Variants in CACNA2D2 observed in about 807,000 individuals in gnomAD.
CACNA2D2 encodes voltage-dependent calcium channel subunit alpha-2/delta-2.
In CACNA2D2, 48 loss-of-function variants were observed where a neutral mutation model predicts 166.4. The observed-to-expected ratio is 0.29, with a 90% CI of 0.23 to 0.37. The LOEUF (loss-of-function observed/expected upper bound fraction) is 0.37, where lower values mean the gene tolerates loss of function less well. Ranked by LOEUF, CACNA2D2 falls within the 10% of genes least tolerant of loss-of-function variation. The probability of loss-of-function intolerance (pLI) is 1.00; values close to 1 mark genes in which losing one functional copy is unlikely to be tolerated. For missense variants in CACNA2D2, 1,122 were observed against 1,433.0 expected, an observed-to-expected ratio of 0.78 and a Z score of 3.50; for synonymous variants, 561 against 573.7, an observed-to-expected ratio of 0.98 and a Z score of 0.32.
At chr3:50,470,078 G>T (rs1331627079) in intron 2 of CACNA2D2, among the ~76,000 whole-genome samples, 1 of 152,196 alleles carries the variant, frequency 6.6e-6, no homozygotes, top group Non-Finnish European at 1.5e-5. Flanking sequence ...CCGTGCTGAG[G>T]CTACTCAGAA....
At chr3:50,468,676 T>C (rs1245500397) in intron 2 of CACNA2D2, among the ~76,000 whole-genome samples, 1 of 151,822 alleles carries the variant, frequency 6.6e-6, no homozygotes, top group Non-Finnish European at 1.5e-5. Flanking sequence ...CCTGAGAGAT[T>C]CCACCCTCAA....
intron 3 of CACNA2D2, among the ~76,000 whole-genome samples, chr3:50,425,107 G>C (rs918964692): frequency 6.6e-6 from 1 of 152,152 alleles, no homozygotes; most frequent in Non-Finnish European, 1.5e-5. Context: ...CAAGCTTGTG[G>C]ATATGCAGCT....
chr3:50,484,078 G>GA (rs1559994536), intron 1 of CACNA2D2, among the ~76,000 whole-genome samples: 5 of 152,018 alleles, frequency 3.3e-5, no homozygotes, highest in Non-Finnish European at 7.4e-5. Context: ...AGATCCTGAC[G>GA]GTCCCTTGGG....
At chr3:50,448,818 A>G (rs61601450) in intron 2 of CACNA2D2, among the ~76,000 whole-genome samples, 4,639 of 152,126 alleles carry the variant, frequency 0.03, 233 homozygotes, top group African/African-American at 0.11. Context: ...GGCCACCCAC[A>G]CTGTGCTGGT....
At chr3:50,448,780 C>T (rs946032321) in intron 2 of CACNA2D2, among the ~76,000 whole-genome samples, 9 of 152,120 alleles carry the variant, frequency 5.9e-5, no homozygotes, top group African/African-American at 2.2e-4. Flanking sequence ...GGGACTAGAG[C>T]CCTGCACTGG....
At chr3:50,439,112 T>G (rs1708476763) in intron 2 of CACNA2D2, among the ~76,000 whole-genome samples, 1 of 152,164 alleles carries the variant, frequency 6.6e-6, no homozygotes, top group African/African-American at 2.4e-5. Context: ...TTTGTACAGT[T>G]CTGTACCCCA....
At chr3:50,408,845 C>T (rs1368761098) in intron 3 of CACNA2D2, among the ~76,000 whole-genome samples, 40 of 152,244 alleles carry the variant, frequency 2.6e-4, no homozygotes, top group Admixed American at 2.6e-3. Context: ...AGAGCCATGG[C>T]ACCAACTGGA....
At chr3:50,474,303 T>A (rs1320445493) in intron 2 of CACNA2D2, among the ~76,000 whole-genome samples, 1 of 152,114 alleles carries the variant, frequency 6.6e-6, no homozygotes, top group South Asian at 2.1e-4. Context: ...AAATTCAAAT[T>A]TGATTTCCAA....
In CACNA2D2 at chr3:50,375,644, C is replaced by T. The variant is rs1704932458; in HGVS notation, c.1907G>A (p.Ser636Asn). 1 of 1,613,208 alleles carries T rather than the reference C, an allele frequency of 6.2e-7. No individual in the cohort carries two copies. The highest frequency in any genetic ancestry group is 8.5e-7 in the Non-Finnish European group (1 of 1,179,898). ...TWVPIRSTNY[S>N]LGLVLPPYST... ...CCCGCCCAGCCCTGGCCTCACTTAC[C>T]TGTAGTTAGTGCTCCTTATAGGCAC... The change falls in exon 21 of 38, where the codon AGC becomes AAC. Residue 636 changes from serine (S) to asparagine (N), a missense_variant and splice_region_variant. This residue lies in a region of CACNA2D2 where 840 missense variants were observed against 1,166.8 expected (regional missense o/e 0.72). Transcript: ENST00000424201. The surrounding 1 kb of genome is among the most constrained non-coding windows in gnomAD (Gnocchi z 4.0).
chr3:50,476,248 GCACAGCC>G (rs769444183), intron 1 of CACNA2D2, 49 bp from the exon 2 acceptor site: 89 of 1,472,698 alleles, frequency 6.0e-5, no homozygotes, highest in Non-Finnish European at 7.9e-5. Flanking sequence ...GCCCAGAGCT[GCACAGCC>G]CCACCCCAGC....
intron 2 of CACNA2D2, among the ~76,000 whole-genome samples, chr3:50,466,278 G>GTGCGCA (rs1282588803): frequency 2.0e-5 from 3 of 152,024 alleles, no homozygotes; most frequent in African/African-American, 7.2e-5. Context: ...GCGCATGTGT[G>GTGCGCA]TGTGTGTGTG....
chr3:50,502,912 G>T (rs1303929916), intron 1 of CACNA2D2, among the ~76,000 whole-genome samples: 1 of 152,170 alleles, frequency 6.6e-6, no homozygotes, highest in Non-Finnish European at 1.5e-5. Flanking sequence ...CAGCGGCAGG[G>T]GAATCAGCTG....
chr3:50,375,703 C>A lies in CACNA2D2; in HGVS notation c.1848G>T (p.Arg616Ser). ...IRTLVKSLDERYIDEVTRNYT... is the reference protein window; with the variant it reads ...IRTLVKSLDESYIDEVTRNYT... ...AGTTCCGTGTCACCTCATCTATGTA[C>A]CTCTGGGAGAGGAGGCTGGGTCAGG... The change falls in exon 21 of 38, where the codon AGG (arginine) becomes AGT (serine). Residue 616 changes from arginine (R) to serine (S), a missense_variant and splice_region_variant. This residue lies in a region of CACNA2D2 where 840 missense variants were observed against 1,166.8 expected (regional missense o/e 0.72). Transcript: ENST00000424201. This position sits in a 1 kb window ranked among gnomAD's most constrained non-coding sequence, Gnocchi z 4.0. 6.2e-7 allele frequency: 1 copy of A among 1,613,156 alleles called. No individual in the cohort carries two copies. The highest frequency in any genetic ancestry group is 8.5e-7 in the Non-Finnish European group (1 of 1,179,862).
At chr3:50,417,881 T>A (rs976821060) in intron 3 of CACNA2D2, among the ~76,000 whole-genome samples, 2 of 152,184 alleles carry the variant, frequency 1.3e-5, no homozygotes, top group African/African-American at 4.8e-5. Context: ...GTGCAGGATC[T>A]GGCACACAGT....
At position 50,365,796 on chromosome 3, in the gene CACNA2D2, C is replaced by T. The variant is rs1704234898; in HGVS notation, c.2915+14G>A. 3.1e-6 allele frequency: 5 copies of T among 1,613,444 alleles called. No homozygotes were observed. The highest frequency in any genetic ancestry group is 3.4e-6 in the Non-Finnish European group (4 of 1,179,966). ...GGGAGCACCTTCTCTACCCACCTCC[C>T]GCTCAGGACTCACCAGGCGGCAGCA... On this transcript the variant is annotated intron_variant, in intron 33 of 37. Coordinates refer to ENST00000424201, the MANE Select transcript of CACNA2D2 (RefSeq NM_006030.4). This position sits in a 1 kb window ranked among gnomAD's most constrained non-coding sequence, Gnocchi z 4.5.
At chr3:50,412,704 C>T (rs962311049) in intron 3 of CACNA2D2, among the ~76,000 whole-genome samples, 1 of 152,162 alleles carries the variant, frequency 6.6e-6, no homozygotes, top group Non-Finnish European at 1.5e-5. Flanking sequence ...TTAGCTCGTT[C>T]TTTGAAATAA....
chr3:50,379,698 C>A lies in CACNA2D2; in HGVS notation c.993+27G>T. The A allele has an allele frequency of 6.2e-7, 1 of 1,613,106 alleles. No individual in the cohort carries two copies. Among genetic ancestry groups the A allele is most frequent in the South Asian group, 1.1e-5 (1 of 91,060 alleles). ...GCAGGGCAGATGGGGTGACCCATTT[C>A]ACCCCGTCTGCCACCTTGGCACTCA... On this transcript the variant is annotated intron_variant, in intron 10 of 37. Coordinates refer to ENST00000424201, the MANE Select transcript of CACNA2D2 (RefSeq NM_006030.4). The surrounding 1 kb of genome is among the most constrained non-coding windows in gnomAD (Gnocchi z 6.5).
chr3:50,363,530 G>C lies in CACNA2D2; in HGVS notation c.*1136C>G. The C allele has an allele frequency of 2.8e-6, 1 of 362,196 alleles. No homozygotes were observed. The highest frequency in any genetic ancestry group is 4.2e-5 in the East Asian group (1 of 23,748). The allele number at this position is 362,196 out of a possible 1,614,324, so 22.4% of individuals were successfully genotyped here. ...GACAGTTTGGCCTCCTGCAAGCAGG[G>C]AGTGTGTGTGTAGGGGTGGGAAGGA... On this transcript the variant is annotated 3_prime_UTR_variant, in exon 38 of 38. Transcript: ENST00000424201.
At chr3:50,400,110 T>G (rs1454765382) in intron 3 of CACNA2D2, among the ~76,000 whole-genome samples, 2 of 152,226 alleles carry the variant, frequency 1.3e-5, no homozygotes, top group Admixed American at 1.3e-4. Context: ...GCTGTTATGG[T>G]CTAATGAGTA....
Sources: gnomAD v4.1 joint callset for allele counts (sites outside exome capture counted in the v4.1 genomes callset) on GRCh38, gnomAD v4.1.1 for gene constraint, gnomAD v4.1.1 regional missense constraint, Gnocchi (gnomAD v3.1) non-coding constraint, MANE v1.5 for transcripts, NCBI Gene and HGNC (gene_info 2026-07-23, HGNC 2026-07-21) for gene names.